GALNT13: variants seen among roughly 807,000 people sequenced by gnomAD.
GALNT13 encodes the protein UDP-GalNAc:polypeptide N-acetylgalactosaminyltransferase 13.
GALNT13 carries 28 observed loss-of-function variants against 64.2 expected under a neutral mutation model. That is an observed-to-expected ratio of 0.44 (90% CI 0.32 to 0.60). The LOEUF (loss-of-function observed/expected upper bound fraction) is 0.60, where lower values mean the gene tolerates loss of function less well. Among genes scored for constraint, GALNT13 ranks in the 20% least tolerant of loss-of-function variants. The pLI is 0.05. For missense variants in GALNT13, 577 were observed against 669.8 expected, an observed-to-expected ratio of 0.86 and a Z score of 1.53; for synonymous variants, 214 against 224.6, an observed-to-expected ratio of 0.95 and a Z score of 0.42.
intron 3 of GALNT13, among the ~76,000 whole-genome samples, chr2:154,027,325 C>T (rs1698041481): frequency 6.6e-6 from 1 of 152,122 alleles, no homozygotes. Context: ...TAACATTGGA[C>T]TACTTAACAA....
At chr2:154,390,115 T>A (rs1044960744) in intron 9 of GALNT13, among the ~76,000 whole-genome samples, 1 of 152,224 alleles carries the variant, frequency 6.6e-6, no homozygotes, top group Non-Finnish European at 1.5e-5. Flanking sequence ...ATGGGACAGT[T>A]GAGCCAGTGT....
At chr2:153,187,710 A>G in the GALNT13 span, 1 of 152,218 alleles carries the variant, frequency 6.6e-6, no homozygotes, top group Admixed American at 6.5e-5. Flanking sequence ...CTATGCAATC[A>G]CTAACTGAAA....
intron 4 of GALNT13, among the ~76,000 whole-genome samples, chr2:154,212,675 T>C (rs947148002): frequency 1.5e-4 from 23 of 152,032 alleles, no homozygotes; most frequent in Non-Finnish European, 2.9e-4. Context: ...CCTCCCACTT[T>C]CCTTTCTCCT....
At chr2:153,647,836 G>C in the GALNT13 span, among the ~76,000 whole-genome samples, 2 of 152,084 alleles carry the variant, frequency 1.3e-5, no homozygotes, top group African/African-American at 2.4e-5. Context: ...TCTCTGTTTT[G>C]GTACCAGTAC....
At chr2:154,359,894 AATG>A (rs1696966300) in intron 9 of GALNT13, among the ~76,000 whole-genome samples, 5 of 152,114 alleles carry the variant, frequency 3.3e-5, no homozygotes, top group Admixed American at 1.3e-4. Context: ...TCTTTAACTT[AATG>A]TAATAGAATG....
rs10530260 is a variant in GALNT13, at chr2:154,295,348, T to TTTTATTTATTTATTTATTTATTTA, written c.976-6053_976-6030dup. ...TTCTCGTTATTGAAAATTCTTTTTA[T>TTTTATTTATTTATTTATTTATTTA]TTTATTTATTTATTTATTTATTTAT... On this transcript the variant is annotated intron_variant, in intron 8 of 12. Transcript: ENST00000392825. Among the ~76,000 whole-genome samples the TTTTATTTATTTATTTATTTATTTA allele has an allele frequency of 2.3e-3, 324 of 142,252 alleles. 1 individual carries two copies. Among genetic ancestry groups the TTTTATTTATTTATTTATTTATTTA allele is most frequent in the African/African-American group, 2.4e-3 (93 of 38,754 alleles). The allele number at this position is 142,252 out of a possible 152,430, so 93.3% of individuals were successfully genotyped here.
At chr2:154,124,422 C>T (rs773387100) in intron 3 of GALNT13, among the ~76,000 whole-genome samples, 11 of 151,838 alleles carry the variant, frequency 7.2e-5, no homozygotes, top group East Asian at 1.9e-4. Context: ...TATAGATCTG[C>T]GTACAACAAA....
At chr2:153,693,074 C>A in the GALNT13 span, among the ~76,000 whole-genome samples, 1 of 152,114 alleles carries the variant, frequency 6.6e-6, no homozygotes, top group Non-Finnish European at 1.5e-5. Flanking sequence ...CAATACATTT[C>A]ATATTTAATC....
chr2:154,409,477 T>C (rs1699697702), intron 11 of GALNT13: 1 of 221,342 alleles, frequency 4.5e-6, no homozygotes, highest in African/African-American at 2.3e-5. Context: ...TATGTTATGA[T>C]TTTTAAGAGC....
At chr2:154,349,888 AAGT>A (rs1325166420) in intron 9 of GALNT13, among the ~76,000 whole-genome samples, 2 of 152,132 alleles carry the variant, frequency 1.3e-5, no homozygotes, top group African/African-American at 4.8e-5. Flanking sequence ...TGGAAAGCAG[AAGT>A]AGGACCATAT....
chr2:153,437,323 C>T, the GALNT13 span, among the ~76,000 whole-genome samples: 1 of 152,124 alleles, frequency 6.6e-6, no homozygotes, highest in Non-Finnish European at 1.5e-5. Context: ...GTGGAGAGTT[C>T]TGTAGATGTC....
intron 12 of GALNT13, among the ~76,000 whole-genome samples, chr2:154,448,140 A>G (rs957855460): frequency 2.6e-5 from 4 of 152,090 alleles, no homozygotes; most frequent in South Asian, 2.1e-4. Flanking sequence ...CCATAGGCCT[A>G]GCTTCCAGGA....
At chr2:153,145,472 T>A in the GALNT13 span, among the ~76,000 whole-genome samples, 4 of 152,014 alleles carry the variant, frequency 2.6e-5, no homozygotes, top group African/African-American at 7.2e-5. Flanking sequence ...GGTTGCTGAT[T>A]ATATAATAAT....
chr2:153,775,145 G>T, the GALNT13 span, among the ~76,000 whole-genome samples: 2 of 152,014 alleles, frequency 1.3e-5, no homozygotes, highest in South Asian at 2.1e-4. Context: ...GATGGGGTAG[G>T]GTTTAGAGAC....
the GALNT13 span, among the ~76,000 whole-genome samples, chr2:153,154,489 A>AT: frequency 6.6e-6 from 1 of 151,848 alleles, no homozygotes; most frequent in African/African-American, 2.4e-5. Flanking sequence ...ATTCCTAGGT[A>AT]TTTTTTTCTT....
At chr2:153,352,277 G>A in the GALNT13 span, among the ~76,000 whole-genome samples, 1 of 152,050 alleles carries the variant, frequency 6.6e-6, no homozygotes, top group Admixed American at 6.6e-5. Flanking sequence ...GCCTGTTAAG[G>A]TCTTTAGCTT....
At chr2:153,951,447 G>C (rs1460813467) in intron 3 of GALNT13, among the ~76,000 whole-genome samples, 1 of 152,128 alleles carries the variant, frequency 6.6e-6, no homozygotes, top group East Asian at 1.9e-4. Context: ...TGTCTGCTTA[G>C]AGCAAAATAG....
At chr2:153,736,173 A>C in the GALNT13 span, among the ~76,000 whole-genome samples, 12 of 152,332 alleles carry the variant, frequency 7.9e-5, no homozygotes, top group East Asian at 1.7e-3. Flanking sequence ...CATCATAGAT[A>C]AAAGCTTTGC....
intron 3 of GALNT13, among the ~76,000 whole-genome samples, chr2:154,008,148 A>G (rs1210692918): frequency 2.0e-5 from 3 of 152,178 alleles, no homozygotes; most frequent in African/African-American, 7.2e-5. Context: ...TTCCAGTACT[A>G]TTTTGAATAG....
Sources: allele counts gnomAD v4.1 joint callset (sites outside exome capture counted in the v4.1 genomes callset), GRCh38; gene constraint gnomAD v4.1.1; transcripts MANE v1.5; gene names NCBI Gene and HGNC (gene_info 2026-07-23, HGNC 2026-07-21).